Variants in CAMK1D observed in about 807,000 individuals in gnomAD.
CAMK1D encodes the protein calcium/calmodulin dependent protein kinase ID, also known as calcium/calmodulin-dependent protein kinase type 1D.
Under a neutral mutation model 47.7 loss-of-function variants are expected in CAMK1D, and 9 were observed. That is an observed-to-expected ratio of 0.19 (90% CI 0.11 to 0.33). The LOEUF (loss-of-function observed/expected upper bound fraction) is 0.33, where lower values mean the gene tolerates loss of function less well. Among genes scored for constraint, CAMK1D ranks in the 10% least tolerant of loss-of-function variants. The probability of loss-of-function intolerance (pLI) is 1.00; values close to 1 mark genes in which losing one functional copy is unlikely to be tolerated. For synonymous variants in CAMK1D, 184 were observed against 184.9 expected, an observed-to-expected ratio of 0.99 and a Z score of 0.04; for missense variants, 291 against 488.7, an observed-to-expected ratio of 0.60 and a Z score of 3.81.
At chr10:12,828,643 G>GAAAAA in intron 10 of CAMK1D, 126 bp from the exon 11 acceptor site, 2 of 464,792 alleles carry the variant, frequency 4.3e-6, no homozygotes, top group Admixed American at 3.6e-5. Flanking sequence ...TCCATCTCAA[G>GAAAAA]AAAAAAAAAA....
intron 1 of CAMK1D, among the ~76,000 whole-genome samples, chr10:12,354,825 T>G (rs916613471): frequency 6.7e-6 from 1 of 148,440 alleles, no homozygotes; most frequent in Admixed American, 7.2e-5. Flanking sequence ...TGCAGCTCAT[T>G]TCTGTTTGGA....
intron 1 of CAMK1D, among the ~76,000 whole-genome samples, chr10:12,438,932 G>T (rs1012154622): frequency 6.6e-6 from 1 of 152,210 alleles, no homozygotes; most frequent in Non-Finnish European, 1.5e-5. Flanking sequence ...TTTTAAGAAA[G>T]ACTTAATATT....
intron 5 of CAMK1D, among the ~76,000 whole-genome samples, chr10:12,772,467 T>A (rs1242632266): frequency 6.6e-6 from 1 of 152,200 alleles, no homozygotes; most frequent in African/African-American, 2.4e-5. Flanking sequence ...TGACGGCCCC[T>A]AGCTACGTAC....
intron 3 of CAMK1D, among the ~76,000 whole-genome samples, chr10:12,715,950 T>C (rs1834116916): frequency 6.6e-6 from 1 of 152,016 alleles, no homozygotes; most frequent in African/African-American, 2.4e-5. Context: ...CCTCAAGTGA[T>C]CCACCCGCCC....
At chr10:12,522,458 A>C (rs1245304281) in intron 1 of CAMK1D, among the ~76,000 whole-genome samples, 1 of 148,270 alleles carries the variant, frequency 6.7e-6, no homozygotes, top group Non-Finnish European at 1.5e-5. Flanking sequence ...CACCGCCCTT[A>C]ATCCATTTAA....
chr10:12,786,341 TTTG>T (rs1183234137), intron 5 of CAMK1D, among the ~76,000 whole-genome samples: 1 of 152,192 alleles, frequency 6.6e-6, no homozygotes, highest in African/African-American at 2.4e-5. Context: ...TTAAAAAATA[TTTG>T]TATTTTGTTG....
At chr10:12,607,267 T>C (rs557181180) in intron 2 of CAMK1D, among the ~76,000 whole-genome samples, 2 of 152,342 alleles carry the variant, frequency 1.3e-5, no homozygotes, top group African/African-American at 4.8e-5. Context: ...CAACTGGGCT[T>C]TAAAGCCAAG....
intron 3 of CAMK1D, among the ~76,000 whole-genome samples, chr10:12,753,924 C>T (rs1836112102): frequency 6.6e-6 from 1 of 152,072 alleles, no homozygotes; most frequent in South Asian, 2.1e-4. Flanking sequence ...GAGTTTCGCT[C>T]TTGTTGCCCA....
At chr10:12,756,668 T>G (rs917739238) in intron 3 of CAMK1D, among the ~76,000 whole-genome samples, 1 of 152,228 alleles carries the variant, frequency 6.6e-6, no homozygotes, top group Admixed American at 6.5e-5. Flanking sequence ...GGCTCACACC[T>G]GTAATCCCAG....
At chr10:12,605,364 G>GTGTGTGTC (rs765582821) in intron 2 of CAMK1D, among the ~76,000 whole-genome samples, 3 of 151,330 alleles carry the variant, frequency 2.0e-5, no homozygotes, top group Non-Finnish European at 4.4e-5. Flanking sequence ...GTGTGTGTGT[G>GTGTGTGTC]TGTATGTGTG....
chr10:12,577,797 A>G lies in CAMK1D; in HGVS notation c.224+24441A>G, dbSNP rs1385728339. ...TGACATCGTTAACTCAGCCCCTCCAAGATTATGCCCATTTTCCTCCTTCCC... is the reference window on the plus strand; with the variant it reads ...TGACATCGTTAACTCAGCCCCTCCAGGATTATGCCCATTTTCCTCCTTCCC... On this transcript the variant is annotated intron_variant, in intron 2 of 10. Transcript: ENST00000619168. Among the ~76,000 whole-genome samples the G allele has an allele frequency of 2.0e-5, 3 of 152,150 alleles. No individual in the cohort carries two copies. In the East Asian group the frequency reaches 5.8e-4, roughly 29 times the overall value.
intron 2 of CAMK1D, among the ~76,000 whole-genome samples, chr10:12,572,523 G>A (rs1341854638): frequency 1.3e-5 from 2 of 152,228 alleles, no homozygotes; most frequent in African/African-American, 2.4e-5. Flanking sequence ...GTGGGATGGG[G>A]ATGGATTAGG....
chr10:12,638,532 C>G (rs1017167037), intron 2 of CAMK1D, among the ~76,000 whole-genome samples: 48 of 152,158 alleles, frequency 3.2e-4, no homozygotes, highest in African/African-American at 1.0e-3. Flanking sequence ...CCTGCTTGTT[C>G]TTCCTCTCCA....
At chr10:12,449,254 G>A (rs558954892) in intron 1 of CAMK1D, among the ~76,000 whole-genome samples, 8 of 152,162 alleles carry the variant, frequency 5.3e-5, no homozygotes, top group Non-Finnish European at 7.4e-5. Flanking sequence ...TTGGGAGCAC[G>A]TAGAACCTCC....
chr10:12,406,436 TGTG>T (rs1477384424), intron 1 of CAMK1D, among the ~76,000 whole-genome samples: 7 of 151,928 alleles, frequency 4.6e-5, no homozygotes, highest in Admixed American at 6.6e-5. Context: ...GTTGGCCAGA[TGTG>T]GTGGCTCATG....
At chr10:12,774,272 G>T (rs1303945748) in intron 5 of CAMK1D, among the ~76,000 whole-genome samples, 1 of 148,522 alleles carries the variant, frequency 6.7e-6, no homozygotes, top group African/African-American at 2.5e-5. Context: ...TTCAGAGGGT[G>T]GTGGCAATTT....
At chr10:12,375,772 G>A (rs1475103604) in intron 1 of CAMK1D, among the ~76,000 whole-genome samples, 1 of 152,102 alleles carries the variant, frequency 6.6e-6, no homozygotes, top group African/African-American at 2.4e-5. Context: ...TGATTTATGG[G>A]AAGCAGTGTG....
rs1837959608 is a variant in CAMK1D at position 12,370,010 on chromosome 10, TTTA to T, written c.92+20106_92+20108del. ...TATTAAATATTAAATTATTTTATTA[TTTA>T]TTATTTAATAATAATAGCAAATATT... is the stretch of plus-strand genomic sequence containing the variant. On this transcript the variant is annotated intron_variant, in intron 1 of 10. Coordinates refer to ENST00000619168, the MANE Select transcript of CAMK1D (RefSeq NM_153498.4). 5.3e-5 allele frequency among the ~76,000 whole-genome samples: 8 copies of T among 150,980 alleles called. No homozygotes were observed. The South Asian group carries it at 1.7e-3, about 31-fold the overall frequency.
chr10:12,540,295 G>GA lies in CAMK1D; in HGVS notation c.93-12921dup, dbSNP rs1342221224. On this transcript the variant is annotated intron_variant, in intron 1 of 10. Coordinates refer to ENST00000619168, the MANE Select transcript of CAMK1D (RefSeq NM_153498.4). ...CCATGGATGCTCCCTGTTGGTATAA[G>GA]AAAAAAAAATGATTGACTCACTTTG... 1.9e-4 allele frequency among the ~76,000 whole-genome samples: 29 copies of GA among 149,708 alleles called. No individual in the cohort carries two copies. In the East Asian group the frequency reaches 3.7e-3, roughly 19 times the overall value.
Sources: allele counts gnomAD v4.1 joint callset (sites outside exome capture counted in the v4.1 genomes callset), GRCh38; gene constraint gnomAD v4.1.1; transcripts MANE v1.5; gene names NCBI Gene and HGNC (gene_info 2026-07-23, HGNC 2026-07-21).